The following LTBP1 variants were observed in gnomAD, a reference collection of about 807,000 sequenced individuals.
LTBP1 encodes the protein latent transforming growth factor beta binding protein 1, also known as latent-transforming growth factor beta-binding protein 1.
In LTBP1, 129 loss-of-function variants were observed where a neutral mutation model predicts 207.6. The ratio of observed to expected loss-of-function variants is 0.62; its 90% CI spans 0.54 to 0.72. LTBP1 has a LOEUF of 0.72. LTBP1 is among the 30% of genes least tolerant of loss of function. The probability of loss-of-function intolerance (pLI) is 0.00; values close to 1 mark genes in which losing one functional copy is unlikely to be tolerated. For missense variants in LTBP1, 2,281 were observed against 2,217.2 expected (o/e 1.03, Z -0.58); for synonymous variants, 963 against 833.7 (o/e 1.16, Z -2.67).
At chr2:32,965,882 A>G (rs1209402953) in intron 2 of LTBP1, among the ~76,000 whole-genome samples, 3 of 152,200 alleles carry the variant, frequency 2.0e-5, no homozygotes, top group Non-Finnish European at 4.4e-5. Flanking sequence ...GAGTATGTTT[A>G]GTTTGGTAAG....
chr2:33,010,688 T>C lies in LTBP1; in HGVS notation c.566-10221T>C, dbSNP rs147434736. Reference sequence around the variant, plus strand: ...TAAAAAAAGTTTTTGAACATTGTTTTTGATGACTGTATCACATTCTAGGAT... The same window carrying C: ...TAAAAAAAGTTTTTGAACATTGTTTCTGATGACTGTATCACATTCTAGGAT... On this transcript the variant is annotated intron_variant, in intron 2 of 33. Coordinates refer to ENST00000404816, the MANE Select transcript of LTBP1 (RefSeq NM_206943.4). 2.8e-3 allele frequency among the ~76,000 whole-genome samples: 430 copies of C among 152,232 alleles called. 4 individuals carry two copies. Among genetic ancestry groups the C allele is most frequent in the African/African-American group, 0.01 (422 of 41,546 alleles).
At chr2:33,377,679 C>CTTATTTT (rs1485666725) in intron 31 of LTBP1, among the ~76,000 whole-genome samples, 5 of 152,170 alleles carry the variant, frequency 3.3e-5, no homozygotes, top group African/African-American at 1.2e-4. Context: ...AAAAGCAACA[C>CTTATTTT]TTATTTTTAG....
chr2:33,005,262 C>G (rs1028832133), intron 2 of LTBP1, among the ~76,000 whole-genome samples: 2 of 152,152 alleles, frequency 1.3e-5, no homozygotes, highest in Admixed American at 6.5e-5. Flanking sequence ...TGTCTCTGCT[C>G]CATGTATCAG....
chr2:33,287,144 G>A (rs1305911771), intron 19 of LTBP1, among the ~76,000 whole-genome samples: 1 of 152,134 alleles, frequency 6.6e-6, no homozygotes, highest in Non-Finnish European at 1.5e-5. Flanking sequence ...AGGCAGCATG[G>A]TTTGTGGGAA....
intron 2 of LTBP1, among the ~76,000 whole-genome samples, chr2:33,005,734 C>T (rs146220513): frequency 0.012 from 1,868 of 152,048 alleles, 17 homozygotes; most frequent in Non-Finnish European, 0.018. Flanking sequence ...TTACAGGCGC[C>T]CGCCAACATG....
At chr2:33,367,562 AC>A (rs2095007133) in intron 31 of LTBP1, among the ~76,000 whole-genome samples, 1 of 152,096 alleles carries the variant, frequency 6.6e-6, no homozygotes, top group South Asian at 2.1e-4. Flanking sequence ...GTCCATGTGT[AC>A]CCATTGTTTA....
In LTBP1 at chr2:33,051,139, C is replaced by T. The variant is rs535519856; in HGVS notation, c.863+29933C>T. On this transcript the variant is annotated intron_variant, in intron 3 of 33. Coordinates refer to ENST00000404816, the MANE Select transcript of LTBP1 (RefSeq NM_206943.4). ...TGCTGTAAAAACTATAGTCCCCGCC[C>T]GTTGTGGTGGCTTGTGCCTGTGATC... is the stretch of plus-strand genomic sequence containing the variant. 2.6e-5 allele frequency among the ~76,000 whole-genome samples: 4 copies of T among 152,074 alleles called. No individual in the cohort carries two copies. The South Asian group carries it at 6.2e-4, about 24-fold the overall frequency.
intron 10 of LTBP1, among the ~76,000 whole-genome samples, chr2:33,249,564 G>A (rs1454913818): frequency 6.6e-6 from 1 of 152,134 alleles, no homozygotes; most frequent in East Asian, 1.9e-4. Context: ...ACCATGGGCT[G>A]TATGGTTATG....
chr2:33,070,726 G>C (rs1230806982), intron 3 of LTBP1, among the ~76,000 whole-genome samples: 1 of 152,222 alleles, frequency 6.6e-6, no homozygotes, highest in African/African-American at 2.4e-5. Flanking sequence ...TGTGCAGGCA[G>C]CTCCTTGAAG....
intron 5 of LTBP1, among the ~76,000 whole-genome samples, chr2:33,151,001 A>G (rs760699356): frequency 6.6e-6 from 1 of 151,816 alleles, no homozygotes; most frequent in Non-Finnish European, 1.5e-5. Context: ...CAGCCTCCCA[A>G]AGTGCTGGGA....
chr2:32,948,630 C>T (rs1468695464), intron 1 of LTBP1, among the ~76,000 whole-genome samples: 1 of 152,188 alleles, frequency 6.6e-6, no homozygotes, highest in South Asian at 2.1e-4. Context: ...CCTGTTCTCC[C>T]TTCCTGTATA....
intron 24 of LTBP1, among the ~76,000 whole-genome samples, chr2:33,323,629 A>AAAC (rs112253450): frequency 6.6e-6 from 1 of 150,906 alleles, no homozygotes; most frequent in Non-Finnish European, 1.5e-5. Context: ...ACTCCGTCTC[A>AAAC]AAACAAACAA....
intron 26 of LTBP1, among the ~76,000 whole-genome samples, chr2:33,358,132 G>T (rs1419366088): frequency 6.6e-6 from 1 of 151,532 alleles, no homozygotes; most frequent in Non-Finnish European, 1.5e-5. Context: ...TTCCAAACAG[G>T]GTAAGTCAAG....
chr2:33,174,432 A>T (rs1472615143), intron 5 of LTBP1, among the ~76,000 whole-genome samples: 11 of 152,216 alleles, frequency 7.2e-5, no homozygotes, highest in Admixed American at 7.2e-4. Flanking sequence ...TAAAATACTT[A>T]GGAATCCAAC....
intron 2 of LTBP1, among the ~76,000 whole-genome samples, chr2:32,963,370 A>ATTT (rs35409873): frequency 0.063 from 9,233 of 146,448 alleles, 520 homozygotes; most frequent in East Asian, 0.23. Context: ...ATGCCCAGCT[A>ATTT]TTTTTTTTTT....
intron 3 of LTBP1, among the ~76,000 whole-genome samples, chr2:33,079,801 G>T (rs569862806): frequency 6.6e-6 from 1 of 152,184 alleles, no homozygotes; most frequent in East Asian, 1.9e-4. Flanking sequence ...TTTTTCTTCT[G>T]TTTACACACT....
rs57735882 is a variant in LTBP1, at chr2:33,175,672, A to G, written c.1202-11184A>G. ...TTACTGGGTATATACCCAAAGGACT[A>G]TAAATCATGCTGCTATGAAGACACA... On this transcript the variant is annotated intron_variant, in intron 5 of 33. Transcript: ENST00000404816. 5.8e-3 allele frequency among the ~76,000 whole-genome samples: 886 copies of G among 152,300 alleles called. 9 individuals are homozygous for G. Among genetic ancestry groups the G allele is most frequent in the African/African-American group, 0.019 (809 of 41,562 alleles).
rs570245548 is a variant in LTBP1 at position 33,208,066 on chromosome 2, T to G, written c.1702-9486T>G. The stretch of plus-strand genomic sequence containing the variant: ...ATTCTTATGAAAAGAAGTTCAAGAT[T>G]TCAAAAAAAATAGGATTAACATTCC... On this transcript the variant is annotated intron_variant, in intron 7 of 33. Coordinates refer to ENST00000404816, the MANE Select transcript of LTBP1 (RefSeq NM_206943.4). Among the ~76,000 whole-genome samples, 5 of 152,310 alleles carry G rather than the reference T, an allele frequency of 3.3e-5. 1 individual carries two copies. In the South Asian group the frequency reaches 8.3e-4, roughly 25 times the overall value.
At chr2:33,203,475 C>T (rs1466926652) in intron 7 of LTBP1, among the ~76,000 whole-genome samples, 1 of 152,148 alleles carries the variant, frequency 6.6e-6, no homozygotes, top group Non-Finnish European at 1.5e-5. Flanking sequence ...CAGACGTTAC[C>T]CTTCCTGCGG....
Sources: gnomAD v4.1 joint callset for allele counts (sites outside exome capture counted in the v4.1 genomes callset) on GRCh38, gnomAD v4.1.1 for gene constraint, MANE v1.5 for transcripts, NCBI Gene and HGNC (gene_info 2026-07-23, HGNC 2026-07-21) for gene names.